ANTXR1: variants seen among roughly 807,000 people sequenced by gnomAD.
The protein encoded by ANTXR1 is ANTXR cell adhesion molecule 1.
ANTXR1 carries 19 observed loss-of-function variants against 78.1 expected under a neutral mutation model. The observed-to-expected ratio is 0.24, with a 90% CI of 0.17 to 0.36. The LOEUF (loss-of-function observed/expected upper bound fraction) is 0.36, where lower values mean the gene tolerates loss of function less well. Ranked by LOEUF, ANTXR1 falls within the 10% of genes least tolerant of loss-of-function variation. The probability of loss-of-function intolerance (pLI) is 1.00; values close to 1 mark genes in which losing one functional copy is unlikely to be tolerated. For synonymous variants in ANTXR1, 273 were observed against 260.5 expected, an observed-to-expected ratio of 1.05 and a Z score of -0.46; for missense variants, 518 against 718.6, an observed-to-expected ratio of 0.72 and a Z score of 3.19.
chr2:69,064,106 A>G (rs772874059), intron 3 of ANTXR1, among the ~76,000 whole-genome samples: 4 of 152,214 alleles, frequency 2.6e-5, no homozygotes, highest in African/African-American at 4.8e-5. Flanking sequence ...AATGAACTAA[A>G]GATTCCAGAT....
chr2:69,077,422 G>C lies in ANTXR1; in HGVS notation c.576G>C (p.Ala192=). The C allele has an allele frequency of 6.2e-7, 1 of 1,614,078 alleles. No homozygotes were observed. Among genetic ancestry groups the C allele is most frequent in the Non-Finnish European group, 8.5e-7 (1 of 1,180,004 alleles). The part of the protein sequence containing the change: ...DFNETQLARI[A]DSKDHVFPVN... ...TGTGTTCTCAGCTGGCCCGGATTGC[G>C]GACAGTAAGGATCATGTGTTTCCCG... is the stretch of plus-strand genomic sequence containing the variant. Residue 192 remains alanine, a synonymous_variant, in exon 8 of 18, where the codon GCG becomes GCC. Transcript: ENST00000303714.
At chr2:69,157,180 C>A (rs1349645824) in intron 13 of ANTXR1, among the ~76,000 whole-genome samples, 1 of 152,176 alleles carries the variant, frequency 6.6e-6, no homozygotes, top group Non-Finnish European at 1.5e-5. Flanking sequence ...CGACCTCTCT[C>A]TCCTTTAAAC....
chr2:69,136,843 G>A (rs1031932630), intron 12 of ANTXR1, among the ~76,000 whole-genome samples: 2 of 152,146 alleles, frequency 1.3e-5, no homozygotes, highest in Admixed American at 6.5e-5. Context: ...CATAGAAGAG[G>A]TGAAAAGAGA....
chr2:69,142,758 G>GT (rs201963377), intron 12 of ANTXR1, among the ~76,000 whole-genome samples: 3,358 of 152,226 alleles, frequency 0.022, 126 homozygotes, highest in African/African-American at 0.076. Context: ...GAAGAAGACC[G>GT]TGACAGAAGA....
At chr2:69,021,224 G>A (rs959114981) in intron 1 of ANTXR1, among the ~76,000 whole-genome samples, 9 of 152,166 alleles carry the variant, frequency 5.9e-5, no homozygotes, top group South Asian at 2.1e-4. Context: ...TGAGGAGACC[G>A]AGGTTTAGAG....
chr2:69,032,950 C>T (rs1399666539), intron 1 of ANTXR1, among the ~76,000 whole-genome samples: 3 of 152,106 alleles, frequency 2.0e-5, no homozygotes, highest in Non-Finnish European at 2.9e-5. Flanking sequence ...TTACTGTATG[C>T]AGTATATTCT....
intron 12 of ANTXR1, chr2:69,145,988 A>G (rs968167410): frequency 1.0e-6 from 1 of 985,444 alleles, no homozygotes; most frequent in African/African-American, 1.7e-5. Context: ...AGAGGTCCTC[A>G]TTTTGTGAGT....
chr2:69,191,942 G>A (rs1674554764), intron 16 of ANTXR1, among the ~76,000 whole-genome samples: 1 of 152,150 alleles, frequency 6.6e-6, no homozygotes, highest in South Asian at 2.1e-4. Context: ...GGACTGCTGG[G>A]ACAATTCAAT....
chr2:69,097,673 G>C (rs1671476302), intron 9 of ANTXR1, among the ~76,000 whole-genome samples: 1 of 152,154 alleles, frequency 6.6e-6, no homozygotes, highest in Non-Finnish European at 1.5e-5. Context: ...AAGAGTTTTG[G>C]TAGTTTCTTA....
chr2:69,160,773 A>T (rs1278396995), intron 13 of ANTXR1, among the ~76,000 whole-genome samples: 1 of 152,146 alleles, frequency 6.6e-6, no homozygotes, highest in East Asian at 1.9e-4. Flanking sequence ...GTGACTCTTC[A>T]AATTTATTTT....
At chr2:69,175,007 G>A (rs555025381) in intron 14 of ANTXR1, among the ~76,000 whole-genome samples, 4 of 152,180 alleles carry the variant, frequency 2.6e-5, no homozygotes, top group Admixed American at 6.5e-5. Context: ...GAAGCATAGA[G>A]CAGTCTTTCC....
intron 4 of ANTXR1, among the ~76,000 whole-genome samples, chr2:69,071,093 A>G (rs933456434): frequency 6.6e-6 from 1 of 151,998 alleles, no homozygotes; most frequent in Non-Finnish European, 1.5e-5. Flanking sequence ...ACCATAAGGA[A>G]TAAGACATCA....
In ANTXR1 at chr2:69,095,719, C is replaced by A. The variant is rs59003994; in HGVS notation, c.703+4800C>A. ...GGAGTGGATGGTCTGAGCTCTCCCC[C>A]CATAGAATCATGTGAGCAGTGGCAG... On this transcript the variant is annotated intron_variant, in intron 9 of 17. Coordinates refer to ENST00000303714, the MANE Select transcript of ANTXR1 (RefSeq NM_032208.3). Among the ~76,000 whole-genome samples the A allele has an allele frequency of 9.2e-5, 14 of 152,280 alleles. No individual in the cohort carries two copies. In the East Asian group the frequency reaches 2.7e-3, roughly 29 times the overall value.
chr2:69,243,208 AC>A (rs1357251538), intron 17 of ANTXR1, among the ~76,000 whole-genome samples: 1 of 151,938 alleles, frequency 6.6e-6, no homozygotes, highest in African/African-American at 2.4e-5. Context: ...AAGGTTTCCC[AC>A]CCCCTACTTT....
chr2:69,147,215 A>G (rs1040212391), intron 12 of ANTXR1, among the ~76,000 whole-genome samples: 1 of 152,268 alleles, frequency 6.6e-6, no homozygotes, highest in Admixed American at 6.5e-5. Context: ...GAGTGTCTTC[A>G]TCTTGGAACG....
intron 10 of ANTXR1, among the ~76,000 whole-genome samples, chr2:69,122,130 A>G (rs1023543488): frequency 6.6e-6 from 1 of 152,194 alleles, no homozygotes; most frequent in Non-Finnish European, 1.5e-5. Context: ...CAAACTTTCT[A>G]TACTGATCTT....
intron 17 of ANTXR1, among the ~76,000 whole-genome samples, chr2:69,231,133 G>T (rs1485998243): frequency 2.0e-5 from 3 of 152,180 alleles, no homozygotes; most frequent in Admixed American, 2.0e-4. Context: ...CAAAAGACAT[G>T]ATCTCATTCT....
chr2:69,023,561 T>C (rs1019842105), intron 1 of ANTXR1, among the ~76,000 whole-genome samples: 3 of 151,982 alleles, frequency 2.0e-5, no homozygotes, highest in Non-Finnish European at 4.4e-5. Context: ...ATGGTGGTGG[T>C]GGTGTTAGTG....
chr2:69,013,379 G>T lies in ANTXR1; in HGVS notation c.-121G>T. On this transcript the variant is annotated 5_prime_UTR_variant, in exon 1 of 18. It adds an upstream start codon to the 5' untranslated region. Coordinates refer to ENST00000303714, the MANE Select transcript of ANTXR1 (RefSeq NM_032208.3). The surrounding 1 kb of genome is among the most constrained non-coding windows in gnomAD (Gnocchi z 5.0). ...GACAATTGCTTCCGGGGAGTTGCGAGGGAGCGAGGGGGAATAAAGGACCCG... is the reference window on the plus strand; with the variant it reads ...GACAATTGCTTCCGGGGAGTTGCGATGGAGCGAGGGGGAATAAAGGACCCG... The T allele has an allele frequency of 7.3e-7, 1 of 1,371,556 alleles. No homozygotes were observed. The highest frequency in any genetic ancestry group is 1.0e-6 in the Non-Finnish European group (1 of 992,402). 85.0% of individuals were successfully genotyped at this position (1,371,556 alleles called of 1,614,324 possible). A position where few individuals can be genotyped will look rare whatever the true frequency, so the allele number is the denominator to read the frequency against.
Sources: gnomAD v4.1 joint callset for allele counts (sites outside exome capture counted in the v4.1 genomes callset) on GRCh38, gnomAD v4.1.1 for gene constraint, Gnocchi (gnomAD v3.1) non-coding constraint, MANE v1.5 for transcripts, NCBI Gene and HGNC (gene_info 2026-07-23, HGNC 2026-07-21) for gene names.